SMYD3: variants seen among roughly 807,000 people sequenced by gnomAD.
SMYD3 encodes the protein SET and MYND domain containing 3, also known as histone-lysine N-methyltransferase SMYD3.
A neutral mutation model predicts 57.7 loss-of-function variants in SMYD3; 36 were observed. That is an observed-to-expected ratio of 0.62 (90% CI 0.48 to 0.82). The LOEUF is 0.82. Ranked by LOEUF, SMYD3 falls within the 40% of genes least tolerant of loss-of-function variation. The probability of loss-of-function intolerance (pLI) is 0.00; values close to 1 mark genes in which losing one functional copy is unlikely to be tolerated. For missense variants in SMYD3, 515 were observed against 538.8 expected, an observed-to-expected ratio of 0.96 and a Z score of 0.44; for synonymous variants, 211 against 195.0, an observed-to-expected ratio of 1.08 and a Z score of -0.68.
intron 5 of SMYD3, among the ~76,000 whole-genome samples, chr1:245,939,480 T>C (rs1446029695): frequency 2.6e-5 from 4 of 151,966 alleles, no homozygotes; most frequent in African/African-American, 7.2e-5. Context: ...AAAAATTAGC[T>C]AGGCATGGTG....
chr1:246,439,180 C>G (rs55637336), intron 1 of SMYD3, among the ~76,000 whole-genome samples: 70,394 of 150,940 alleles, frequency 0.47, 16,794 homozygotes, highest in South Asian at 0.63. Flanking sequence ...CAGGCTGGCC[C>G]CAAACTCCTG....
chr1:246,311,653 A>ACGCG (rs1177283812), intron 5 of SMYD3, among the ~76,000 whole-genome samples: 2 of 152,128 alleles, frequency 1.3e-5, no homozygotes, highest in East Asian at 3.8e-4. Context: ...GCATACACAC[A>ACGCG]CGCGCACGCG....
chr1:246,242,713 CAG>C (rs58809271), intron 5 of SMYD3, among the ~76,000 whole-genome samples: 31,439 of 151,576 alleles, frequency 0.21, 3,957 homozygotes, highest in East Asian at 0.58. Flanking sequence ...ATCTCATGTA[CAG>C]AGAGACATAC....
intron 5 of SMYD3, among the ~76,000 whole-genome samples, chr1:246,026,953 C>CACTCTTGAGGGAAATTA (rs2059585427): frequency 1.3e-5 from 2 of 152,146 alleles, no homozygotes; most frequent in African/African-American, 4.8e-5. Flanking sequence ...GCAAAAGAAA[C>CACTCTTGAGGGAAATTA]ACTCTTGAGG....
At chr1:246,249,073 T>C (rs1204937737) in intron 5 of SMYD3, among the ~76,000 whole-genome samples, 1 of 151,940 alleles carries the variant, frequency 6.6e-6, no homozygotes, top group Non-Finnish European at 1.5e-5. Flanking sequence ...GGATTTTTTT[T>C]TAGTATTTGA....
At chr1:246,397,810 G>A (rs1381084946) in intron 1 of SMYD3, among the ~76,000 whole-genome samples, 1 of 152,054 alleles carries the variant, frequency 6.6e-6, no homozygotes, top group Non-Finnish European at 1.5e-5. Context: ...GACAGGGAAT[G>A]GGGAATGCTG....
chr1:245,751,371 T>C lies in SMYD3; in HGVS notation c.1186-1707A>G, dbSNP rs80249162. On this transcript the variant is annotated intron_variant, in intron 11 of 11. Transcript: ENST00000490107. ...ATGCAGGAAAACTTTCCATTCTACG[T>C]TGGAAAAACGCTGAAGCTTCGAGAA... Among the ~76,000 whole-genome samples the C allele has an allele frequency of 5.9e-3, 899 of 152,232 alleles. 13 individuals are homozygous for C. The highest frequency in any genetic ancestry group is 0.021 in the African/African-American group (869 of 41,540).
chr1:246,385,540 A>C (rs1168237040), intron 1 of SMYD3, among the ~76,000 whole-genome samples: 1 of 152,170 alleles, frequency 6.6e-6, no homozygotes, highest in African/African-American at 2.4e-5. Flanking sequence ...GAAAGGACCC[A>C]CCTTCTGTAA....
At chr1:245,867,668 G>C (rs4022174) in intron 8 of SMYD3, among the ~76,000 whole-genome samples, 1 of 148,944 alleles carries the variant, frequency 6.7e-6, no homozygotes, top group Non-Finnish European at 1.5e-5. Flanking sequence ...GCGTGCGCGC[G>C]CACACACACA....
At chr1:246,210,890 T>G (rs1052586965) in intron 5 of SMYD3, among the ~76,000 whole-genome samples, 1 of 152,042 alleles carries the variant, frequency 6.6e-6, no homozygotes, top group Non-Finnish European at 1.5e-5. Context: ...CAATTCTGAT[T>G]TCGCAGAAAC....
At chr1:246,428,246 T>C (rs1305285469) in intron 1 of SMYD3, among the ~76,000 whole-genome samples, 1 of 152,194 alleles carries the variant, frequency 6.6e-6, no homozygotes, top group East Asian at 1.9e-4. Context: ...CTGTGTAAAG[T>C]ATGCAGTGGG....
intron 10 of SMYD3, among the ~76,000 whole-genome samples, chr1:245,807,445 G>A (rs1301703053): frequency 2.0e-5 from 3 of 152,104 alleles, no homozygotes; most frequent in Non-Finnish European, 2.9e-5. Flanking sequence ...CCGAACTTCC[G>A]GTCCAATGTT....
chr1:246,291,389 G>T (rs537372933), intron 5 of SMYD3, among the ~76,000 whole-genome samples: 37 of 152,286 alleles, frequency 2.4e-4, no homozygotes, highest in African/African-American at 8.7e-4. Flanking sequence ...AAATGTTTAT[G>T]GAGACCACGA....
At chr1:246,081,147 T>C (rs1444425164) in intron 5 of SMYD3, among the ~76,000 whole-genome samples, 1 of 152,206 alleles carries the variant, frequency 6.6e-6, no homozygotes, top group African/African-American at 2.4e-5. Flanking sequence ...TTACATAGCG[T>C]CCATTGATTC....
chr1:246,030,922 T>C (rs890047631), intron 5 of SMYD3, among the ~76,000 whole-genome samples: 5 of 152,084 alleles, frequency 3.3e-5, no homozygotes, highest in African/African-American at 9.7e-5. Context: ...AGTGATCTCA[T>C]GAAATCAAGG....
intron 1 of SMYD3, among the ~76,000 whole-genome samples, chr1:246,411,007 G>A (rs560234731): frequency 3.2e-4 from 20 of 62,286 alleles, no homozygotes; most frequent in South Asian, 1.7e-3. Flanking sequence ...CTGTGGGATC[G>A]GTGGTGATAT....
At chr1:245,798,762 T>C (rs1036062145) in intron 10 of SMYD3, among the ~76,000 whole-genome samples, 10 of 152,114 alleles carry the variant, frequency 6.6e-5, no homozygotes, top group African/African-American at 1.4e-4. Flanking sequence ...TCCTCTCTTA[T>C]GTTGTTTGAA....
At chr1:245,927,518 G>A (rs1339121429) in intron 7 of SMYD3, among the ~76,000 whole-genome samples, 3 of 152,288 alleles carry the variant, frequency 2.0e-5, no homozygotes, top group Non-Finnish European at 2.9e-5. Context: ...GTGGCCTTCC[G>A]AGTGAAGAAG....
At chr1:246,103,345 A>G (rs996110645) in intron 5 of SMYD3, among the ~76,000 whole-genome samples, 1 of 151,938 alleles carries the variant, frequency 6.6e-6, no homozygotes, top group African/African-American at 2.4e-5. Flanking sequence ...GGCTATCGAG[A>G]GTGATGCTTC....
Sources: gnomAD v4.1 joint callset for allele counts (sites outside exome capture counted in the v4.1 genomes callset) on GRCh38, gnomAD v4.1.1 for gene constraint, MANE v1.5 for transcripts, NCBI Gene and HGNC (gene_info 2026-07-23, HGNC 2026-07-21) for gene names.